BBX: variants seen among roughly 807,000 people sequenced by gnomAD.
BBX encodes HMG box transcription factor BBX.
BBX carries 30 observed loss-of-function variants against 100.2 expected under a neutral mutation model. The observed-to-expected ratio is 0.30, with a 90% CI of 0.22 to 0.41. The LOEUF (loss-of-function observed/expected upper bound fraction) is 0.41. BBX is among the 10% of genes least tolerant of loss of function. The probability of loss-of-function intolerance (pLI) is 1.00; values close to 1 mark genes in which losing one functional copy is unlikely to be tolerated. For missense variants in BBX, 1,023 were observed against 1,129.8 expected, an observed-to-expected ratio of 0.91 and a Z score of 1.35; for synonymous variants, 376 against 388.1, an observed-to-expected ratio of 0.97 and a Z score of 0.37.
intron 3 of BBX, among the ~76,000 whole-genome samples, chr3:107,675,723 G>C (rs1280488548): frequency 1.3e-5 from 2 of 152,296 alleles, no homozygotes; most frequent in African/African-American, 2.4e-5. Context: ...AAAGAGTTCT[G>C]ATTTTGTGGT....
At chr3:107,706,648 T>G (rs917784563) in intron 3 of BBX, among the ~76,000 whole-genome samples, 2 of 152,206 alleles carry the variant, frequency 1.3e-5, no homozygotes, top group African/African-American at 4.8e-5. Flanking sequence ...TTGAATAAAG[T>G]CCAACATTTG....
intron 3 of BBX, among the ~76,000 whole-genome samples, chr3:107,656,885 T>G (rs1452334197): frequency 1.3e-5 from 2 of 152,122 alleles, no homozygotes. Flanking sequence ...CTTAAGGATA[T>G]CAGGGAAGAC....
intron 2 of BBX, among the ~76,000 whole-genome samples, 179 bp from the exon 3 acceptor site, chr3:107,645,657 A>T (rs980926485): frequency 6.6e-6 from 1 of 152,146 alleles, no homozygotes; most frequent in Non-Finnish European, 1.5e-5. Flanking sequence ...GAAAATAAAC[A>T]CTTTAGGGCC....
rs558830918 is a variant in BBX, at chr3:107,530,684, T to A, written c.-84+4286T>A. 2.6e-4 allele frequency among the ~76,000 whole-genome samples: 40 copies of A among 152,242 alleles called. No individual in the cohort carries two copies. The South Asian group carries it at 6.8e-3, about 26-fold the overall frequency. ...AGGAGAAATAAGAATGGGGTAAAAATTATTCAAAACAGCTGTATTTCTCAA... is the reference window on the plus strand; with the variant it reads ...AGGAGAAATAAGAATGGGGTAAAAAATATTCAAAACAGCTGTATTTCTCAA... On this transcript the variant is annotated intron_variant, in intron 2 of 17. Coordinates refer to ENST00000325805, the MANE Select transcript of BBX (RefSeq NM_001142568.3).
Position 107,715,726 on chromosome 3 carries a change from G to T in BBX, c.163-881G>T, listed in dbSNP as rs188560394. 7.5e-4 allele frequency among the ~76,000 whole-genome samples: 114 copies of T among 152,366 alleles called. 1 individual carries two copies. Among genetic ancestry groups the T allele is most frequent in the African/African-American group, 2.7e-3 (113 of 41,592 alleles). ...TTGTAAAGAAGATGAAAAACGGGAA[G>T]ACTAGGCGTAGGCCAAAGTGGTACT... On this transcript the variant is annotated intron_variant, in intron 4 of 17. Transcript: ENST00000325805.
intron 3 of BBX, among the ~76,000 whole-genome samples, chr3:107,646,599 T>G (rs188032363): frequency 6.6e-6 from 1 of 152,226 alleles, no homozygotes; most frequent in Admixed American, 6.5e-5. Context: ...TGCCTAGAGT[T>G]TTCCCAATCT....
rs575208665 is a variant in BBX at position 107,738,192 on chromosome 3, A to G, written c.669+5169A>G. 1.7e-3 allele frequency among the ~76,000 whole-genome samples: 255 copies of G among 151,916 alleles called. 2 individuals carry two copies. Among genetic ancestry groups the G allele is most frequent in the Non-Finnish European group, 1.6e-3 (109 of 67,918 alleles). On this transcript the variant is annotated intron_variant, in intron 7 of 17. Coordinates refer to ENST00000325805, the MANE Select transcript of BBX (RefSeq NM_001142568.3). ...TGTTTATTCTAATCTCTTATATCCCATATTGTTAGTTTCATACCTTACAAC... is the reference window on the plus strand; with the variant it reads ...TGTTTATTCTAATCTCTTATATCCCGTATTGTTAGTTTCATACCTTACAAC...
rs398052177 is a variant in BBX at position 107,592,360 on chromosome 3, C to CAAAA, written c.-83-53456_-83-53453dup. Among the ~76,000 whole-genome samples, 124 of 74,664 alleles carry CAAAA rather than the reference C, an allele frequency of 1.7e-3. 4 individuals are homozygous for CAAAA. The highest frequency in any genetic ancestry group is 3.1e-3 in the African/African-American group (59 of 18,908). 49.0% of individuals were successfully genotyped at this position (74,664 alleles called of 152,430 possible). A position where few individuals can be genotyped will look rare whatever the true frequency, so the allele number is the denominator to read the frequency against. ...TAGGTGATAGAGCGAGACCCTGTCT[C>CAAAA]AAAAAAAAAAAAAAAAAAAAAAAGG... On this transcript the variant is annotated intron_variant, in intron 2 of 17. Transcript: ENST00000325805.
At chr3:107,609,944 A>G in intron 2 of BBX, among the ~76,000 whole-genome samples, 1 of 151,894 alleles carries the variant, frequency 6.6e-6, no homozygotes, top group South Asian at 2.1e-4. Context: ...TGATCCTTTA[A>G]GATGCATCAA....
At chr3:107,676,075 G>C (rs970587731) in intron 3 of BBX, among the ~76,000 whole-genome samples, 9 of 152,004 alleles carry the variant, frequency 5.9e-5, no homozygotes, top group African/African-American at 2.2e-4. Flanking sequence ...GATAATTTCT[G>C]TTTTACAATG....
chr3:107,592,798 C>A (rs952591173), intron 2 of BBX, among the ~76,000 whole-genome samples: 1 of 152,082 alleles, frequency 6.6e-6, no homozygotes, highest in Non-Finnish European at 1.5e-5. Flanking sequence ...CTGAGCCTCC[C>A]ACCTCCACAC....
At chr3:107,527,708 C>T (rs1395318889) in intron 2 of BBX, among the ~76,000 whole-genome samples, 1 of 152,122 alleles carries the variant, frequency 6.6e-6, no homozygotes, top group Non-Finnish European at 1.5e-5. Flanking sequence ...TCACTAAGAG[C>T]TCAGAATACA....
chr3:107,763,306 G>C lies in BBX; in HGVS notation c.906+7628G>C, dbSNP rs188793097. On this transcript the variant is annotated intron_variant, in intron 10 of 17. Transcript: ENST00000325805. ...GTGGCGCGATCTCGGCTCACTGCAA[G>C]CTCCGCCTCCCGGGTTCACGCCACT... Among the ~76,000 whole-genome samples, 372 of 150,642 alleles carry C rather than the reference G, an allele frequency of 2.5e-3. 6 individuals are homozygous for C. The highest frequency in any genetic ancestry group is 1.8e-3 in the East Asian group (9 of 5,116).
At chr3:107,615,757 C>T (rs558598840) in intron 2 of BBX, among the ~76,000 whole-genome samples, 3 of 152,218 alleles carry the variant, frequency 2.0e-5, no homozygotes, top group African/African-American at 7.2e-5. Context: ...CTCTCAGATA[C>T]CTAGATTGAG....
At chr3:107,718,746 G>T (rs1185026139) in intron 5 of BBX, among the ~76,000 whole-genome samples, 2 of 151,986 alleles carry the variant, frequency 1.3e-5, no homozygotes, top group African/African-American at 4.8e-5. Flanking sequence ...ACTTAATTAG[G>T]TTCACAATAT....
intron 7 of BBX, among the ~76,000 whole-genome samples, chr3:107,735,787 C>T (rs755166239): frequency 1.7e-4 from 26 of 151,806 alleles, no homozygotes; most frequent in Non-Finnish European, 3.2e-4. Flanking sequence ...TAATAACAAA[C>T]AAAATGTTGT....
intron 14 of BBX, among the ~76,000 whole-genome samples, chr3:107,790,986 T>A (rs1416842863): frequency 1.3e-5 from 2 of 152,216 alleles, no homozygotes; most frequent in Non-Finnish European, 2.9e-5. Flanking sequence ...CAGATTACTT[T>A]GATTAAAGTT....
At chr3:107,738,531 A>G (rs2063822523) in intron 7 of BBX, among the ~76,000 whole-genome samples, 3 of 152,204 alleles carry the variant, frequency 2.0e-5, no homozygotes, top group Non-Finnish European at 4.4e-5. Context: ...GTAAATATTT[A>G]CCATTAGGTG....
rs562383628 is a variant in BBX at position 107,708,943 on chromosome 3, G to T, written c.-9-1509G>T. Among the ~76,000 whole-genome samples the T allele has an allele frequency of 2.6e-5, 4 of 152,180 alleles. No individual in the cohort carries two copies. The East Asian group carries it at 7.7e-4, about 29-fold the overall frequency. ...GATATATTTGTATATTTAAAAAGAT[G>T]TAGAATGATATAGTCCCTAAGGACA... On this transcript the variant is annotated intron_variant, in intron 3 of 17. Transcript: ENST00000325805.
Sources: gnomAD v4.1 joint callset for allele counts (sites outside exome capture counted in the v4.1 genomes callset) on GRCh38, gnomAD v4.1.1 for gene constraint, MANE v1.5 for transcripts, NCBI Gene and HGNC (gene_info 2026-07-23, HGNC 2026-07-21) for gene names.